The following SGCZ variants were observed in gnomAD, a reference collection of about 807,000 sequenced individuals.
SGCZ encodes the protein sarcoglycan zeta.
SGCZ carries 40 observed loss-of-function variants against 41.3 expected under a neutral mutation model. That is an observed-to-expected ratio of 0.97 (90% CI 0.75 to 1.26). SGCZ has a LOEUF of 1.26. SGCZ is among the 50% of genes most tolerant of loss of function. The pLI is 0.00. For missense variants in SGCZ, 552 were observed against 369.8 expected (o/e 1.49, Z -4.04); for synonymous variants, 206 against 137.5 (o/e 1.50, Z -3.49).
intron 3 of SGCZ, among the ~76,000 whole-genome samples, chr8:14,282,595 T>C (rs528081163): frequency 7.2e-5 from 11 of 152,276 alleles, no homozygotes; most frequent in African/African-American, 2.6e-4. Context: ...CTCAGCCAAC[T>C]TCTATGGTCA....
chr8:14,454,370 T>G (rs990040033), intron 2 of SGCZ, among the ~76,000 whole-genome samples: 5 of 152,176 alleles, frequency 3.3e-5, no homozygotes, highest in African/African-American at 1.2e-4. Flanking sequence ...GGTTAAACAC[T>G]TCTAACAAAC....
chr8:14,840,640 A>G (rs1802870487), intron 1 of SGCZ, among the ~76,000 whole-genome samples: 1 of 152,230 alleles, frequency 6.6e-6, no homozygotes, highest in Non-Finnish European at 1.5e-5. Flanking sequence ...CACTCTAACT[A>G]TCTTAACTTA....
chr8:14,675,111 T>C (rs190207734), intron 1 of SGCZ, among the ~76,000 whole-genome samples: 1 of 151,384 alleles, frequency 6.6e-6, no homozygotes. Context: ...GCTAATTTTT[T>C]TTGTATTTTT....
chr8:14,325,823 G>A (rs1405614222), intron 2 of SGCZ, among the ~76,000 whole-genome samples: 1 of 141,910 alleles, frequency 7.0e-6, no homozygotes, highest in African/African-American at 2.6e-5. Context: ...AAGGGATGAG[G>A]ACGTGGGCCC....
Position 14,628,626 on chromosome 8 carries a change from T to G in SGCZ, c.40-73700A>C, listed in dbSNP as rs185646453. Among the ~76,000 whole-genome samples the G allele has an allele frequency of 1.4e-4, 22 of 152,158 alleles. No homozygotes were observed. The East Asian group carries it at 3.3e-3, about 23-fold the overall frequency. ...GAGGAGCTCTTGTCAAATAGCTGATTAGGCAAAATTTCTATTAGCAAATGA... is the reference window on the plus strand; with the variant it reads ...GAGGAGCTCTTGTCAAATAGCTGATGAGGCAAAATTTCTATTAGCAAATGA... On this transcript the variant is annotated intron_variant, in intron 1 of 7. Transcript: ENST00000382080.
chr8:14,536,310 C>A (rs1037308288), intron 2 of SGCZ, among the ~76,000 whole-genome samples: 1 of 151,646 alleles, frequency 6.6e-6, no homozygotes, highest in Non-Finnish European at 1.5e-5. Context: ...TATTAAATTA[C>A]GCTCAAAATT....
At chr8:14,576,449 G>C (rs1211591626) in intron 1 of SGCZ, among the ~76,000 whole-genome samples, 2 of 152,190 alleles carry the variant, frequency 1.3e-5, no homozygotes, top group Non-Finnish European at 2.9e-5. Context: ...GTAATATGTA[G>C]TAGTGGTAAG....
chr8:15,062,210 A>T (rs937424023), intron 1 of SGCZ, among the ~76,000 whole-genome samples: 3 of 152,172 alleles, frequency 2.0e-5, no homozygotes, highest in Non-Finnish European at 4.4e-5. Flanking sequence ...ATTATAGTTA[A>T]TGAAAAGGTT....
At chr8:14,694,362 T>C (rs529017274) in intron 1 of SGCZ, among the ~76,000 whole-genome samples, 1 of 152,220 alleles carries the variant, frequency 6.6e-6, no homozygotes. Flanking sequence ...TTCTGGGATA[T>C]TTTGCATATT....
chr8:14,835,256 T>G (rs561157921), intron 1 of SGCZ, among the ~76,000 whole-genome samples: 1 of 152,204 alleles, frequency 6.6e-6, no homozygotes, highest in African/African-American at 2.4e-5. Flanking sequence ...TGAAATATTT[T>G]CATCTGTCAT....
rs928320256 is a variant in SGCZ at position 14,914,476 on chromosome 8, C to T, written c.39+323109G>A. The stretch of plus-strand genomic sequence containing the variant: ...TTCTCTATCGCTGGAGTTTCGTGGC[C>T]CACAAAGAAATACTATTTGGCAAAA... On this transcript the variant is annotated intron_variant, in intron 1 of 7. Coordinates refer to ENST00000382080, the MANE Select transcript of SGCZ (RefSeq NM_139167.4). Among the ~76,000 whole-genome samples the T allele has an allele frequency of 1.2e-4, 18 of 151,780 alleles. No individual in the cohort carries two copies. The East Asian group carries it at 2.9e-3, about 25-fold the overall frequency.
chr8:15,197,942 A>C (rs1800782100), intron 1 of SGCZ, among the ~76,000 whole-genome samples: 1 of 150,350 alleles, frequency 6.7e-6, no homozygotes, highest in Non-Finnish European at 1.5e-5. Context: ...ATATAAACAC[A>C]TAATACATAC....
At chr8:15,123,793 G>A (rs1247735026) in intron 1 of SGCZ, among the ~76,000 whole-genome samples, 2 of 152,160 alleles carry the variant, frequency 1.3e-5, no homozygotes, top group Non-Finnish European at 1.5e-5. Flanking sequence ...TAACATTACC[G>A]TAAGTACACT....
chr8:14,769,163 G>A (rs6983465), intron 1 of SGCZ, among the ~76,000 whole-genome samples: 2 of 152,012 alleles, frequency 1.3e-5, no homozygotes, highest in South Asian at 2.1e-4. Context: ...TTTAGGGAGC[G>A]AGGGAAAAAC....
intron 4 of SGCZ, among the ~76,000 whole-genome samples, chr8:14,197,757 C>G (rs1044498074): frequency 6.6e-6 from 1 of 151,908 alleles, no homozygotes; most frequent in Non-Finnish European, 1.5e-5. Context: ...GTTTAAAAAG[C>G]AAAAATGTCA....
At position 14,755,127 on chromosome 8, in the gene SGCZ, T is replaced by A. The variant is rs1866976; in HGVS notation, c.40-200201A>T. 4.4e-3 allele frequency among the ~76,000 whole-genome samples: 667 copies of A among 152,292 alleles called. 9 individuals are homozygous for A. The highest frequency in any genetic ancestry group is 0.015 in the African/African-American group (615 of 41,578). On this transcript the variant is annotated intron_variant, in intron 1 of 7. Coordinates refer to ENST00000382080, the MANE Select transcript of SGCZ (RefSeq NM_139167.4). ...CATTTATGAATATATATTTTTTCTG[T>A]AATTTTTTTACCTTGTCTCACTTGT...
At chr8:14,480,688 T>G (rs555016267) in intron 2 of SGCZ, among the ~76,000 whole-genome samples, 134 of 152,226 alleles carry the variant, frequency 8.8e-4, no homozygotes, top group African/African-American at 3.1e-3. Flanking sequence ...AGATATAAAC[T>G]TCTTGAATAT....
At chr8:14,933,621 T>G (rs964267533) in intron 1 of SGCZ, among the ~76,000 whole-genome samples, 1 of 151,734 alleles carries the variant, frequency 6.6e-6, no homozygotes, top group Non-Finnish European at 1.5e-5. Context: ...TCTTTCTTTT[T>G]TCTGTATTTT....
intron 1 of SGCZ, among the ~76,000 whole-genome samples, chr8:14,870,008 G>C (rs778774921): frequency 2.0e-5 from 3 of 152,122 alleles, no homozygotes; most frequent in African/African-American, 4.8e-5. Context: ...TACTGCCAAA[G>C]TAATTTATAG....
Sources: gnomAD v4.1 joint callset for allele counts (sites outside exome capture counted in the v4.1 genomes callset) on GRCh38, gnomAD v4.1.1 for gene constraint, MANE v1.5 for transcripts, NCBI Gene and HGNC (gene_info 2026-07-23, HGNC 2026-07-21) for gene names.